Variants in C2orf80 observed in about 807,000 individuals in gnomAD.
C2orf80 encodes the protein chromosome 2 open reading frame 80.
In C2orf80, 28 loss-of-function variants were observed where a neutral mutation model predicts 30.2. The ratio of observed to expected loss-of-function variants is 0.93; its 90% CI spans 0.69 to 1.27. The LOEUF is 1.27. Ranked by LOEUF, C2orf80 falls within the 50% of genes most tolerant of loss-of-function variation. C2orf80 has a pLI of 0.00. For synonymous variants in C2orf80, 80 were observed against 76.4 expected (o/e 1.05, Z -0.24); for missense variants, 220 against 231.0 (o/e 0.95, Z 0.31).
At chr2:208,184,771 T>G (rs1696664839) in intron 3 of C2orf80, among the ~76,000 whole-genome samples, 180 bp downstream of exon 3, 1 of 152,222 alleles carries the variant, frequency 6.6e-6, no homozygotes, top group Non-Finnish European at 1.5e-5. Flanking sequence ...CTTTGCTTTC[T>G]GGTTAGTGGG....
Position 208,180,803 on chromosome 2 carries a change from A to C in C2orf80, c.308T>G (p.Ile103Ser). 1 of 1,613,474 alleles carries C rather than the reference A, an allele frequency of 6.2e-7. No individual in the cohort carries two copies. Among genetic ancestry groups the C allele is most frequent in the Admixed American group, 1.7e-5 (1 of 59,996 alleles). Residue 103 changes from isoleucine (I) to serine (S), a missense_variant, in exon 6 of 9, where the codon ATT (isoleucine) becomes AGT (serine). Physicochemically the swap from Ile to Ser is moderately radical, Grantham distance 142. Coordinates refer to ENST00000341287, the MANE Select transcript of C2orf80 (RefSeq NM_001099334.3). ...YAGILMNSIP[I>S]EEVFKIYGAD... is the part of the protein sequence containing the mutation. Reference sequence around the variant, plus strand: ...CCCATAAATTTTAAAGACTTCCTCAATCGGGATACTGTTCTGTTAAACAAC... The same window carrying C: ...CCCATAAATTTTAAAGACTTCCTCACTCGGGATACTGTTCTGTTAAACAAC...
intron 6 of C2orf80, among the ~76,000 whole-genome samples, chr2:208,177,353 C>G (rs901100375): frequency 6.6e-6 from 1 of 151,794 alleles, no homozygotes; most frequent in Non-Finnish European, 1.5e-5. Context: ...AACAGCCTGA[C>G]CAACATGGCG....
chr2:208,183,055 C>A lies in C2orf80; in HGVS notation c.124-8G>T. 6.2e-7 allele frequency: 1 copy of A among 1,612,786 alleles called. No individual in the cohort carries two copies. Among genetic ancestry groups the A allele is most frequent in the Non-Finnish European group, 8.5e-7 (1 of 1,178,802 alleles). On this transcript the variant is annotated splice_region_variant and splice_polypyrimidine_tract_variant and intron_variant, in intron 3 of 8. Transcript: ENST00000341287. ...GGCCAAGTCATAGTGTGCCTGGGAG[C>A]AGGAAGCACAGAGAGCAAAGAAACA... is the stretch of plus-strand genomic sequence containing the variant.
At chr2:208,175,078 G>A (rs1696240338) in intron 6 of C2orf80, among the ~76,000 whole-genome samples, 1 of 152,128 alleles carries the variant, frequency 6.6e-6, no homozygotes, top group South Asian at 2.1e-4. Flanking sequence ...GAGGTCAGGA[G>A]TTCAAAACCA....
rs1312983186 is a variant in C2orf80, at chr2:208,172,003, A to G, written c.439T>C (p.Tyr147His). The stretch of plus-strand genomic sequence containing the variant: ...CCAGGCTTACTCTGTTTGCGGGCGT[A>G]TGCTGCTGCTTTGGGTGCTGTTAAC... ...AMLTAPKAAA[Y>H]ARKQSVKSRK... Residue 147 changes from tyrosine (Y) to histidine (H), a missense_variant, in exon 7 of 9, where the codon TAC (tyrosine) becomes CAC (histidine). Tyr to His is a moderately conservative substitution (Grantham distance 83). Coordinates refer to ENST00000341287, the MANE Select transcript of C2orf80 (RefSeq NM_001099334.3). The G allele has an allele frequency of 6.2e-7, 1 of 1,613,668 alleles. No homozygotes were observed. The highest frequency in any genetic ancestry group is 1.3e-5 in the African/African-American group (1 of 74,910).
intron 7 of C2orf80, 29 bp from the exon 8 acceptor site, chr2:208,171,092 T>C (rs1696083914): frequency 1.4e-6 from 2 of 1,468,772 alleles, no homozygotes; most frequent in African/African-American, 1.4e-5. Flanking sequence ...ACCATATCTG[T>C]ATATAAAACT....
Position 208,170,951 on chromosome 2 carries a change from CT to C in C2orf80, c.566del (p.Lys189SerfsTer16), listed in dbSNP as rs1374641990. The C allele has an allele frequency of 1.4e-5, 22 of 1,613,238 alleles. No homozygotes were observed. The highest frequency in any genetic ancestry group is 1.8e-5 in the Non-Finnish European group (21 of 1,179,298). On this transcript the variant is annotated frameshift_variant, in exon 8 of 9. Coordinates refer to ENST00000341287, the MANE Select transcript of C2orf80 (RefSeq NM_001099334.3). LOFTEE classifies it high-confidence loss of function. ...TTTACAATCTCACACCTACTTTGTG[CT>C]TTGGCTGTGTGTCTGAAAACCTTTG... is the stretch of plus-strand genomic sequence containing the variant. ...SSQRFSDTQP[K>X]HKVT
intron 6 of C2orf80, among the ~76,000 whole-genome samples, chr2:208,175,004 G>T (rs1362354391): frequency 6.6e-6 from 1 of 152,162 alleles, no homozygotes. Context: ...GACATGGTCG[G>T]GCGCGGTGGC....
At chr2:208,189,703 T>A (rs765870186) in intron 1 of C2orf80, among the ~76,000 whole-genome samples, 4 of 152,204 alleles carry the variant, frequency 2.6e-5, no homozygotes, top group Non-Finnish European at 5.9e-5. Flanking sequence ...GCTGTGTGTT[T>A]TGTGTGTGGC....
At chr2:208,178,496 G>A (rs142151282) in intron 6 of C2orf80, among the ~76,000 whole-genome samples, 193 of 152,282 alleles carry the variant, frequency 1.3e-3, no homozygotes, top group African/African-American at 4.4e-3. Flanking sequence ...GGCTATCCAA[G>A]GAACACAGAG....
Position 208,165,606 on chromosome 2 carries a change from G to GTT in C2orf80, c.*199_*200dup, listed in dbSNP as rs34111482. ...CACAATGAAGTAGCATAAGGTCACA[G>GTT]TTTTTTTTTTTAAGAAAATGTAGCC... is the stretch of plus-strand genomic sequence containing the variant. On this transcript the variant is annotated 3_prime_UTR_variant, in exon 9 of 9. Coordinates refer to ENST00000341287, the MANE Select transcript of C2orf80 (RefSeq NM_001099334.3). 0.072 allele frequency: 33,625 copies of GTT among 467,534 alleles called. 150 individuals are homozygous for GTT. Among genetic ancestry groups the GTT allele is most frequent in the African/African-American group, 0.094 (4,672 of 49,632 alleles). 29.0% of individuals were successfully genotyped at this position (467,534 alleles called of 1,614,324 possible).
chr2:208,177,478 T>A (rs1696397448), intron 6 of C2orf80, among the ~76,000 whole-genome samples: 1 of 152,044 alleles, frequency 6.6e-6, no homozygotes, highest in Non-Finnish European at 1.5e-5. Context: ...GAGGCGTAGG[T>A]TGCAGTGAGC....
At position 208,170,113 on chromosome 2, in the gene C2orf80, T is replaced by C. The variant is rs537578730; in HGVS notation, c.573+832A>G. Reference sequence around the variant, plus strand: ...TGATGCAAACCCAATCATAAGTCAGTATATCAGTTCTCAAAGTTCCCTTCC... The same window carrying C: ...TGATGCAAACCCAATCATAAGTCAGCATATCAGTTCTCAAAGTTCCCTTCC... On this transcript the variant is annotated intron_variant, in intron 8 of 8. Coordinates refer to ENST00000341287, the MANE Select transcript of C2orf80 (RefSeq NM_001099334.3). Among the ~76,000 whole-genome samples, 46 of 152,290 alleles carry C rather than the reference T, an allele frequency of 3.0e-4. No homozygotes were observed. In the South Asian group the frequency reaches 9.5e-3, roughly 32 times the overall value.
chr2:208,173,431 T>C (rs1696171315), intron 6 of C2orf80, among the ~76,000 whole-genome samples: 1 of 152,090 alleles, frequency 6.6e-6, no homozygotes, highest in Admixed American at 6.6e-5. Flanking sequence ...GAAACTATCC[T>C]GGATAACACT....
At chr2:208,166,867 G>A (rs1695911937) in intron 8 of C2orf80, among the ~76,000 whole-genome samples, 1 of 152,114 alleles carries the variant, frequency 6.6e-6, no homozygotes. Flanking sequence ...AGCCAGGATG[G>A]TCTTGATCTC....
Position 208,184,945 on chromosome 2 carries a change from C to T in C2orf80, c.123+6G>A. 1 of 1,612,048 alleles carries T rather than the reference C, an allele frequency of 6.2e-7. No individual in the cohort carries two copies. ...ATATGACTCGCATCAGCGTGCCTTT[C>T]TTTACCATATCATCTAGAAAGGTGA... On this transcript the variant is annotated splice_donor_region_variant and intron_variant, in intron 3 of 8. Coordinates refer to ENST00000341287, the MANE Select transcript of C2orf80 (RefSeq NM_001099334.3).
At chr2:208,179,003 C>T (rs757516484) in intron 6 of C2orf80, among the ~76,000 whole-genome samples, 13 of 152,144 alleles carry the variant, frequency 8.5e-5, no homozygotes, top group Non-Finnish European at 1.5e-4. Context: ...AGGTGATCCA[C>T]CCACCTTGGC....
chr2:208,171,929 T>A lies in C2orf80; in HGVS notation c.454+59A>T. 2.1e-6 allele frequency: 3 copies of A among 1,402,354 alleles called. No homozygotes were observed. The East Asian group carries it at 6.8e-5, about 32-fold the overall frequency. 86.9% of individuals were successfully genotyped at this position (1,402,354 alleles called of 1,614,324 possible). A position where few individuals can be genotyped will look rare whatever the true frequency, so the allele number is the denominator to read the frequency against. On this transcript the variant is annotated intron_variant, in intron 7 of 8. Transcript: ENST00000341287. ...TTTTGACCTTACCTGGTGAGCCTAC[T>A]TCCTAATTTCCTAGTTTGACTTACA...
At chr2:208,165,843 C>T (rs762792856) in intron 8 of C2orf80, 28 bp from the exon 9 acceptor site, 1 of 1,548,648 alleles carries the variant, frequency 6.5e-7, no homozygotes, top group South Asian at 1.1e-5. Flanking sequence ...ATTTTGGTAT[C>T]AAGCACATCA....
Sources: gnomAD v4.1 joint callset for allele counts (sites outside exome capture counted in the v4.1 genomes callset) on GRCh38, gnomAD v4.1.1 for gene constraint, MANE v1.5 for transcripts, NCBI Gene and HGNC (gene_info 2026-07-23, HGNC 2026-07-21) for gene names.